The following SOX6 variants were observed in gnomAD, a reference collection of about 807,000 sequenced individuals.
The protein encoded by SOX6 is transcription factor SOX-6.
A neutral mutation model predicts 97.8 loss-of-function variants in SOX6; 11 were observed. That is an observed-to-expected ratio of 0.11 (90% CI 0.07 to 0.19). SOX6 has a LOEUF of 0.19. Ranked by LOEUF, SOX6 falls within the 10% of genes least tolerant of loss-of-function variation. The pLI is 1.00. For missense variants in SOX6, 810 were observed against 1,039.5 expected, an observed-to-expected ratio of 0.78 and a Z score of 3.04; for synonymous variants, 360 against 371.4, an observed-to-expected ratio of 0.97 and a Z score of 0.35.
chr11:16,106,396 A>G (rs1464125950), intron 7 of SOX6, among the ~76,000 whole-genome samples: 1 of 151,992 alleles, frequency 6.6e-6, no homozygotes, highest in Non-Finnish European at 1.5e-5. Context: ...ATATCTACCA[A>G]TTAAATATAA....
Position 16,167,829 on chromosome 11 carries a change from T to C in SOX6, c.777+16057A>G, listed in dbSNP as rs551654228. Reference sequence around the variant, plus strand: ...CCTCTTTCCCATTCCCTTTCCTCCTTCCCTGCTTTTTCTCCATAGCAGTTC... The same window carrying C: ...CCTCTTTCCCATTCCCTTTCCTCCTCCCCTGCTTTTTCTCCATAGCAGTTC... On this transcript the variant is annotated intron_variant, in intron 6 of 15. Transcript: ENST00000683767. Among the ~76,000 whole-genome samples the C allele has an allele frequency of 1.1e-3, 169 of 152,306 alleles. 1 individual carries two copies. Among genetic ancestry groups the C allele is most frequent in the South Asian group, 7.7e-3 (37 of 4,824 alleles).
chr11:16,716,984 T>C (rs1003491356), intron 2 of SOX6, among the ~76,000 whole-genome samples: 11 of 152,184 alleles, frequency 7.2e-5, no homozygotes, highest in African/African-American at 2.4e-4. Context: ...TATAGATATG[T>C]TCATTTTGTG....
chr11:16,418,012 G>A (rs1164192733), intron 1 of SOX6, among the ~76,000 whole-genome samples: 1 of 152,086 alleles, frequency 6.6e-6, no homozygotes, highest in Non-Finnish European at 1.5e-5. Context: ...AAAAATGTAC[G>A]TTTCCTCGAC....
In SOX6 at chr11:16,130,452, A is replaced by G. The variant is rs371617465; in HGVS notation, c.778-18529T>C. Among the ~76,000 whole-genome samples the G allele has an allele frequency of 1.1e-4, 16 of 152,088 alleles. No homozygotes were observed. The East Asian group carries it at 2.5e-3, about 24-fold the overall frequency. Reference sequence around the variant, plus strand: ...TGCATATCAAAATAGCATATCATACACCATAAATATATACAATTTTTTGAA... The same window carrying G: ...TGCATATCAAAATAGCATATCATACGCCATAAATATATACAATTTTTTGAA... On this transcript the variant is annotated intron_variant, in intron 6 of 15. Transcript: ENST00000683767.
chr11:16,180,032 C>T (rs1851306667), intron 6 of SOX6, among the ~76,000 whole-genome samples: 2 of 151,308 alleles, frequency 1.3e-5, no homozygotes, highest in East Asian at 1.9e-4. Context: ...GCTATAGAAA[C>T]CAAAGAATGT....
chr11:16,505,775 A>G (rs1005602685), intron 4 of SOX6, among the ~76,000 whole-genome samples: 2 of 152,184 alleles, frequency 1.3e-5, no homozygotes, highest in African/African-American at 4.8e-5. Flanking sequence ...CAGCTGCCCC[A>G]GCTCCAGCTC....
At chr11:16,324,051 G>A (rs1041640673) in intron 2 of SOX6, among the ~76,000 whole-genome samples, 1 of 151,914 alleles carries the variant, frequency 6.6e-6, no homozygotes, top group Non-Finnish European at 1.5e-5. Flanking sequence ...GAGTGTGGGG[G>A]TGCACACTTG....
chr11:16,141,902 G>C (rs1004104310), intron 6 of SOX6, among the ~76,000 whole-genome samples: 1 of 152,150 alleles, frequency 6.6e-6, no homozygotes, highest in African/African-American at 2.4e-5. Flanking sequence ...AGGCCTGCCT[G>C]CCTCTGTAGA....
At chr11:16,163,131 AAG>A (rs1181529949) in intron 6 of SOX6, among the ~76,000 whole-genome samples, 4 of 152,200 alleles carry the variant, frequency 2.6e-5, no homozygotes, top group Non-Finnish European at 5.9e-5. Context: ...GAAAATAAAA[AAG>A]GAAGATAAAA....
At chr11:16,345,663 G>A (rs1040246546) in intron 1 of SOX6, among the ~76,000 whole-genome samples, 1 of 152,046 alleles carries the variant, frequency 6.6e-6, no homozygotes. Flanking sequence ...ATAAAATGAT[G>A]AGAATGCTGG....
intron 13 of SOX6, among the ~76,000 whole-genome samples, chr11:15,999,793 G>A (rs979094294): frequency 6.6e-6 from 1 of 152,124 alleles, no homozygotes; most frequent in Non-Finnish European, 1.5e-5. Context: ...GACAATCACA[G>A]TATTTCAGAC....
At chr11:16,717,296 C>T (rs78346907) in intron 2 of SOX6, among the ~76,000 whole-genome samples, 123 of 152,084 alleles carry the variant, frequency 8.1e-4, no homozygotes, top group Non-Finnish European at 1.6e-3. Flanking sequence ...GGCCAAGATC[C>T]TATCAGTATC....
intron 4 of SOX6, among the ~76,000 whole-genome samples, chr11:16,535,862 A>G (rs920163298): frequency 6.6e-6 from 1 of 152,240 alleles, no homozygotes; most frequent in Admixed American, 6.5e-5. Flanking sequence ...GTCTACAACC[A>G]ATCAACAATT....
intron 6 of SOX6, among the ~76,000 whole-genome samples, chr11:16,130,972 C>T (rs1849725860): frequency 6.6e-6 from 1 of 151,768 alleles, no homozygotes; most frequent in Admixed American, 6.6e-5. Flanking sequence ...TCAAAATGCA[C>T]TAAAACCTAA....
chr11:16,144,034 A>G (rs1328042199), intron 6 of SOX6, among the ~76,000 whole-genome samples: 2 of 152,158 alleles, frequency 1.3e-5, no homozygotes, highest in Non-Finnish European at 2.9e-5. Context: ...TCCACCCCAA[A>G]TCAACAGAAT....
chr11:16,736,164 G>A (rs1277347599), intron 2 of SOX6, among the ~76,000 whole-genome samples: 1 of 152,090 alleles, frequency 6.6e-6, no homozygotes, highest in African/African-American at 2.4e-5. Flanking sequence ...CTACCGTGTG[G>A]CAGGCATTGC....
intron 4 of SOX6, among the ~76,000 whole-genome samples, chr11:16,597,373 T>C (rs1177119810): frequency 6.6e-6 from 1 of 151,486 alleles, no homozygotes; most frequent in Admixed American, 6.6e-5. Flanking sequence ...ATACAGTAGC[T>C]TCAAACTTAA....
At chr11:16,704,674 T>C (rs1418672992) in intron 3 of SOX6, among the ~76,000 whole-genome samples, 1 of 152,192 alleles carries the variant, frequency 6.6e-6, no homozygotes, top group Non-Finnish European at 1.5e-5. Flanking sequence ...TATATGTACC[T>C]ATAGAATGTC....
Position 16,462,221 on chromosome 11 carries a change from C to T in SOX6, c.-5+14094G>A, listed in dbSNP as rs564437571. Among the ~76,000 whole-genome samples the T allele has an allele frequency of 1.8e-4, 28 of 152,340 alleles. No homozygotes were observed. In the South Asian group the frequency reaches 5.4e-3, roughly 29 times the overall value. Reference sequence around the variant, plus strand: ...AATGAAGATCCTAATAGTGTCAGAACACTTCTCACTATGCTATTAACTTGC... The same window carrying T: ...AATGAAGATCCTAATAGTGTCAGAATACTTCTCACTATGCTATTAACTTGC... On this transcript the variant is annotated intron_variant, in intron 1 of 15. Transcript: ENST00000396356.
Sources: allele counts gnomAD v4.1 joint callset (sites outside exome capture counted in the v4.1 genomes callset), GRCh38; gene constraint gnomAD v4.1.1; transcripts MANE v1.5; gene names NCBI Gene and HGNC (gene_info 2026-07-23, HGNC 2026-07-21).